Variants in ORC1 observed in about 807,000 individuals in gnomAD.
ORC1 encodes the protein origin recognition complex subunit 1, also known as origin recognition complex, subunit 1 homolog.
Under a neutral mutation model 98.9 loss-of-function variants are expected in ORC1, and 61 were observed. The observed-to-expected ratio is 0.62, with a 90% CI of 0.50 to 0.76. ORC1 has a LOEUF of 0.76. Ranked by LOEUF, ORC1 falls within the 30% of genes least tolerant of loss-of-function variation. The probability of loss-of-function intolerance (pLI) is 0.00; values close to 1 mark genes in which losing one functional copy is unlikely to be tolerated. For synonymous variants in ORC1, 385 were observed against 406.9 expected (o/e 0.95, Z 0.65); for missense variants, 979 against 1,072.2 (o/e 0.91, Z 1.21).
upstream of ORC1, chr1:52,405,705 G>A: frequency 6.2e-7 from 1 of 1,613,674 alleles, no homozygotes; most frequent in South Asian, 1.1e-5. Context: ...ATAAAGCCAT[G>A]GAGTTAAGGT....
At chr1:52,405,462 AG>A (rs1171483567), upstream of ORC1, among the ~76,000 whole-genome samples, 2 of 152,264 alleles carry the variant, frequency 1.3e-5, no homozygotes, top group African/African-American at 4.8e-5. Flanking sequence ...TTGTTAAAAA[AG>A]GTTAAGTGAG....
chr1:52,403,944 G>A (rs1647859559), intron 1 of ORC1, among the ~76,000 whole-genome samples: 1 of 152,236 alleles, frequency 6.6e-6, no homozygotes, highest in Non-Finnish European at 1.5e-5. Context: ...TGCAGATGGA[G>A]GGAAAGTCAT....
At chr1:52,388,221 G>A (rs1013438734) in intron 8 of ORC1, among the ~76,000 whole-genome samples, 8 of 152,078 alleles carry the variant, frequency 5.3e-5, no homozygotes, top group Admixed American at 5.2e-4. Flanking sequence ...ATTCTGTACC[G>A]TAAAAGGGAC....
At position 52,383,912 on chromosome 1, in the gene ORC1, G is replaced by A; in HGVS notation, c.1781C>T (p.Ala594Val). ...TGCCAGCAGTTCTGCCGCATGGTTG[G>A]CTGTTGCTTTTTGGCCTGTTAGCTT... ...LQKLTGQKAT[A>V]NHAAELLAKQ... Residue 594 changes from alanine to valine, a missense_variant, in exon 12 of 17, where the codon GCC becomes GTC. Transcript: ENST00000371568. 1.9e-6 allele frequency: 3 copies of A among 1,614,176 alleles called. No individual in the cohort carries two copies. Among genetic ancestry groups the A allele is most frequent in the Non-Finnish European group, 2.5e-6 (3 of 1,180,030 alleles).
intron 9 of ORC1, 25 bp downstream of exon 9, chr1:52,385,827 G>C (rs1181967584): frequency 1.3e-6 from 2 of 1,538,490 alleles, no homozygotes; most frequent in African/African-American, 1.4e-5. Flanking sequence ...CTGCCTCTCT[G>C]AAGGGGAATC....
At chr1:52,389,482 A>ATAACT (rs1258491382) in intron 6 of ORC1, among the ~76,000 whole-genome samples, 161 bp from the exon 7 acceptor site, 1 of 152,198 alleles carries the variant, frequency 6.6e-6, no homozygotes, top group Non-Finnish European at 1.5e-5. Context: ...GCAAAAAATT[A>ATAACT]TAACTAAAAA....
At chr1:52,380,831 A>C (rs1346918469) in intron 14 of ORC1, among the ~76,000 whole-genome samples, 2 of 152,176 alleles carry the variant, frequency 1.3e-5, no homozygotes, top group East Asian at 3.8e-4. Flanking sequence ...AACTTTGAGG[A>C]TCTCTCTCCT....
At chr1:52,385,570 A>G (rs1647131158) in intron 9 of ORC1, among the ~76,000 whole-genome samples, 1 of 152,164 alleles carries the variant, frequency 6.6e-6, no homozygotes, top group Non-Finnish European at 1.5e-5. Context: ...CATCAAAACA[A>G]AGAGGCACTG....
chr1:52,394,692 A>G (rs1647317000), intron 5 of ORC1, among the ~76,000 whole-genome samples: 2 of 152,060 alleles, frequency 1.3e-5, no homozygotes, highest in Non-Finnish European at 2.9e-5. Context: ...TCTGTTGCTC[A>G]GACTGGAGTG....
upstream of ORC1, among the ~76,000 whole-genome samples, chr1:52,407,750 G>A (rs561898318): frequency 1.9e-4 from 29 of 151,966 alleles, no homozygotes; most frequent in Middle Eastern, 3.4e-3. Context: ...GGGAAACCCC[G>A]TCTCTACTAA....
rs560913186 is a variant in ORC1, at chr1:52,389,332, C to T, written c.1083-11G>A. The T allele has an allele frequency of 6.2e-7, 1 of 1,608,986 alleles. No homozygotes were observed. The highest frequency in any genetic ancestry group is 1.7e-5 in the Admixed American group (1 of 60,010). ...GCTTCTTTTGCATCCCTGCAAGAAA[C>T]CACAGCGAGGTCACGGGAAGCAGTT... On this transcript the variant is annotated splice_polypyrimidine_tract_variant and intron_variant, in intron 6 of 16. Coordinates refer to ENST00000371568, the MANE Select transcript of ORC1 (RefSeq NM_004153.4).
At position 52,397,767 on chromosome 1, in the gene ORC1, G is replaced by A; in HGVS notation, c.320C>T (p.Pro107Leu). 1 of 1,614,190 alleles carries A rather than the reference G, an allele frequency of 6.2e-7. No homozygotes were observed. The highest frequency in any genetic ancestry group is 8.5e-7 in the Non-Finnish European group (1 of 1,180,024). ...ATACCAGAATATTTCCTGTGCACCA[G>A]GCTTCCGGCCCAACAAATGCCGTTT... is the stretch of plus-strand genomic sequence containing the variant. ...ACKRHLLGRK[P>L]GAQEIFWYDY... is the part of the protein sequence containing the mutation. Residue 107 changes from proline (P) to leucine (L), a missense_variant, in exon 4 of 17, where the codon CCT (proline) becomes CTT (leucine). Transcript: ENST00000371568.
In ORC1 at chr1:52,376,508, A is replaced by G. The variant is rs182720766; in HGVS notation, c.2134-909T>C. Among the ~76,000 whole-genome samples, 36 of 152,212 alleles carry G rather than the reference A, an allele frequency of 2.4e-4. No homozygotes were observed. The East Asian group carries it at 6.0e-3, about 25-fold the overall frequency. ...CCAGTCTAGAGTCCATCTAAAAAAA[A>G]AAATCACTTTCCAAGTAACCCAGGA... On this transcript the variant is annotated intron_variant, in intron 14 of 16. Coordinates refer to ENST00000371568, the MANE Select transcript of ORC1 (RefSeq NM_004153.4).
Position 52,384,659 on chromosome 1 carries a change from C to T in ORC1, c.1646G>A (p.Arg549His), listed in dbSNP as rs768521500. The T allele has an allele frequency of 1.7e-5, 27 of 1,613,628 alleles. No homozygotes were observed. The highest frequency in any genetic ancestry group is 2.0e-5 in the Non-Finnish European group (24 of 1,179,802). ...GGCTTGGGCTGCCTGCTGCAGGCAG[C>T]GTATCACTTCATGAACAGTGGCAGT... ...GKTATVHEVI[R>H]CLQQAAQAND... Residue 549 changes from arginine to histidine, a missense_variant, in exon 11 of 17, where the codon CGC (arginine) becomes CAC (histidine). Transcript: ENST00000371568.
chr1:52,390,826 A>C (rs1647198916), intron 6 of ORC1, among the ~76,000 whole-genome samples: 1 of 148,066 alleles, frequency 6.8e-6, no homozygotes, highest in Non-Finnish European at 1.5e-5. Flanking sequence ...CGGGAGGCGG[A>C]GGTTGCAGTA....
chr1:52,403,919 A>G (rs1304591743), intron 1 of ORC1, among the ~76,000 whole-genome samples: 1 of 152,200 alleles, frequency 6.6e-6, no homozygotes, highest in East Asian at 1.9e-4. Flanking sequence ...CGAAACAAGT[A>G]GAGTGCTTTA....
chr1:52,401,911 A>G, intron 2 of ORC1, among the ~76,000 whole-genome samples: 1 of 152,226 alleles, frequency 6.6e-6, no homozygotes, highest in East Asian at 1.9e-4. Flanking sequence ...ATTATCCTAC[A>G]TACAAAATTT....
intron 4 of ORC1, 94 bp downstream of exon 4, chr1:52,397,591 G>T: frequency 1.8e-6 from 2 of 1,112,552 alleles, no homozygotes; most frequent in Non-Finnish European, 2.8e-6. Flanking sequence ...TCCCTATGGG[G>T]TATTAGAGCC....
At chr1:52,373,867 AG>A (rs1190117085) in intron 16 of ORC1, among the ~76,000 whole-genome samples, 3 of 152,244 alleles carry the variant, frequency 2.0e-5, no homozygotes, top group Non-Finnish European at 4.4e-5. Flanking sequence ...ACAAAGGCCT[AG>A]AGAGAAAATT....
Sources: gnomAD v4.1 joint callset for allele counts (sites outside exome capture counted in the v4.1 genomes callset) on GRCh38, gnomAD v4.1.1 for gene constraint, MANE v1.5 for transcripts, NCBI Gene and HGNC (gene_info 2026-07-23, HGNC 2026-07-21) for gene names.